NXPE4: variants seen among roughly 807,000 people sequenced by gnomAD.
The protein encoded by NXPE4 is NXPE family member 4.
In NXPE4, 42 loss-of-function variants were observed where a neutral mutation model predicts 33.3. That is an observed-to-expected ratio of 1.26 (90% confidence interval 0.98 to 1.63). The LOEUF (loss-of-function observed/expected upper bound fraction) is 1.63. Among genes scored for constraint, NXPE4 ranks in the 40% most tolerant of loss-of-function variants. NXPE4 has a pLI of 0.00. For missense variants in NXPE4, 709 were observed against 647.6 expected (o/e 1.09, Z -1.03); for synonymous variants, 253 against 234.9 (o/e 1.08, Z -0.71).
chr11:114,632,489 AAT>A, the NXPE4 span, among the ~76,000 whole-genome samples: 4 of 125,942 alleles, frequency 3.2e-5, no homozygotes, highest in African/African-American at 1.2e-4. Flanking sequence ...AATACTCCAT[AAT>A]ATATATTATA....
At chr11:114,628,230 A>C in the NXPE4 span, among the ~76,000 whole-genome samples, 1 of 143,244 alleles carries the variant, frequency 7.0e-6, no homozygotes, top group African/African-American at 2.7e-5. Flanking sequence ...TTTTTCAGCA[A>C]CATACCACAC....
At chr11:114,641,741 G>A in the NXPE4 span, among the ~76,000 whole-genome samples, 6 of 151,988 alleles carry the variant, frequency 3.9e-5, no homozygotes, top group Admixed American at 6.6e-5. Context: ...ACTGAAAGTG[G>A]GCAACGTTCT....
rs58322763 is a variant in NXPE4, at chr11:114,586,964, C to A, written c.97-3943G>T. On this transcript the variant is annotated intron_variant, in intron 2 of 5. Transcript: ENST00000375478. The stretch of plus-strand genomic sequence containing the variant: ...CACAGAGGTCCTCCTTCCCTCCCCA[C>A]ACCCCCTGTGAACATCTCTCTCTTT... Among the ~76,000 whole-genome samples, 877 of 152,242 alleles carry A rather than the reference C, an allele frequency of 5.8e-3. 5 individuals carry two copies. Among genetic ancestry groups the A allele is most frequent in the African/African-American group, 0.021 (853 of 41,528 alleles).
the NXPE4 span, among the ~76,000 whole-genome samples, chr11:114,616,178 T>G: frequency 6.6e-6 from 1 of 151,522 alleles, no homozygotes; most frequent in Non-Finnish European, 1.5e-5. Context: ...CTGTGTATGA[T>G]AAGTAATGTC....
chr11:114,571,204 CT>C lies in NXPE4; in HGVS notation c.1368del (p.Ala457ProfsTer7). 6.2e-7 allele frequency: 1 copy of C among 1,613,980 alleles called. No homozygotes were observed. The highest frequency in any genetic ancestry group is 1.3e-5 in the African/African-American group (1 of 75,008). ...VFIRRALNVH[K>X]AIQHLLLRSP... The stretch of plus-strand genomic sequence containing the variant: ...CTTCTCAGAAGAAGATGCTGAATGG[CT>C]TTGTGGACATTGAGGGCCCTTCGGA... On this transcript the variant is annotated frameshift_variant, in exon 6 of 6. Coordinates refer to ENST00000375478, the MANE Select transcript of NXPE4 (RefSeq NM_001077639.2). LOFTEE classifies it low-confidence loss of function (END_TRUNC).
the NXPE4 span, among the ~76,000 whole-genome samples, chr11:114,668,363 A>G: frequency 6.6e-6 from 1 of 151,954 alleles, no homozygotes; most frequent in Non-Finnish European, 1.5e-5. Context: ...CTAAGTTCTC[A>G]ACTGCACAAA....
intron 4 of NXPE4, among the ~76,000 whole-genome samples, chr11:114,581,128 A>G (rs1443186074): frequency 6.6e-6 from 1 of 152,150 alleles, no homozygotes; most frequent in Admixed American, 6.5e-5. Context: ...ATGATTAGCA[A>G]GGTTTTAATG....
chr11:114,632,350 A>T, the NXPE4 span, among the ~76,000 whole-genome samples: 588 of 134,890 alleles, frequency 4.4e-3, 3 homozygotes, highest in African/African-American at 0.015. Context: ...AATATATAAT[A>T]TATAAATATT....
the NXPE4 span, among the ~76,000 whole-genome samples, chr11:114,646,578 C>G: frequency 6.6e-6 from 1 of 151,994 alleles, no homozygotes; most frequent in South Asian, 2.1e-4. Flanking sequence ...AGTTGCTATT[C>G]ATTTCAATAA....
Position 114,583,615 on chromosome 11 carries a change from T to C in NXPE4, c.97-594A>G, listed in dbSNP as rs1949208424. On this transcript the variant is annotated intron_variant, in intron 2 of 5. Coordinates refer to ENST00000375478, the MANE Select transcript of NXPE4 (RefSeq NM_001077639.2). ...CTACTGGTGGCTCTGTGGCAAGTGC[T>C]GTGAAACTTAATGAGCAGCAGATGG... is the stretch of plus-strand genomic sequence containing the variant. The C allele has an allele frequency of 8.4e-6, 5 of 594,122 alleles. No individual in the cohort carries two copies. The Admixed American group carries it at 9.3e-5, about 11-fold the overall frequency. 36.8% of individuals were successfully genotyped at this position (594,122 alleles called of 1,614,324 possible).
the NXPE4 span, among the ~76,000 whole-genome samples, chr11:114,639,863 ATTTT>A: frequency 4.8e-3 from 284 of 59,758 alleles, 2 homozygotes; most frequent in East Asian, 0.02. Flanking sequence ...TATATATTAT[ATTTT>A]ATATTAAATA....
At chr11:114,672,223 C>T in the NXPE4 span, among the ~76,000 whole-genome samples, 6 of 151,888 alleles carry the variant, frequency 4.0e-5, no homozygotes, top group Admixed American at 6.6e-5. Flanking sequence ...GGTGGGGACA[C>T]AGAACCAAAC....
the NXPE4 span, among the ~76,000 whole-genome samples, chr11:114,649,615 T>A: frequency 6.6e-6 from 1 of 152,168 alleles, no homozygotes; most frequent in South Asian, 2.1e-4. Context: ...ATTTTCTAAC[T>A]TATGAAGATG....
At chr11:114,602,645 T>C in the NXPE4 span, among the ~76,000 whole-genome samples, 1 of 141,788 alleles carries the variant, frequency 7.1e-6, no homozygotes, top group South Asian at 2.3e-4. Context: ...TCATATATAA[T>C]AATTTTCTCA....
chr11:114,620,748 A>G, the NXPE4 span, among the ~76,000 whole-genome samples: 1 of 152,014 alleles, frequency 6.6e-6, no homozygotes, highest in Admixed American at 6.6e-5. Flanking sequence ...CCGATGTATA[A>G]TAAGTATTGC....
At chr11:114,647,064 C>T in the NXPE4 span, among the ~76,000 whole-genome samples, 7 of 152,158 alleles carry the variant, frequency 4.6e-5, no homozygotes, top group Non-Finnish European at 1.0e-4. Flanking sequence ...CACCTGCTTG[C>T]AATGTGCCCT....
chr11:114,626,211 C>T, the NXPE4 span, among the ~76,000 whole-genome samples: 1 of 152,210 alleles, frequency 6.6e-6, no homozygotes. Flanking sequence ...GTAGGCTCCA[C>T]CTCTGGGGGC....
the NXPE4 span, among the ~76,000 whole-genome samples, chr11:114,628,853 C>T: frequency 7.1e-4 from 108 of 151,728 alleles, 1 homozygote; most frequent in Middle Eastern, 6.8e-3. Context: ...ACCACCGATC[C>T]CACAGAAATA....
the NXPE4 span, among the ~76,000 whole-genome samples, chr11:114,631,407 G>A: frequency 7.3e-5 from 11 of 151,142 alleles, no homozygotes; most frequent in African/African-American, 2.7e-4. Flanking sequence ...ATCATTCTCA[G>A]TAAACTATCG....
Sources: gnomAD v4.1 joint callset for allele counts (sites outside exome capture counted in the v4.1 genomes callset) on GRCh38, gnomAD v4.1.1 for gene constraint, MANE v1.5 for transcripts, NCBI Gene and HGNC (gene_info 2026-07-23, HGNC 2026-07-21) for gene names.